WWOX: variants seen among roughly 807,000 people sequenced by gnomAD.
WWOX encodes the protein WW domain-containing oxidoreductase.
A neutral mutation model predicts 46.2 loss-of-function variants in WWOX; 69 were observed. That is an observed-to-expected ratio of 1.49 (90% confidence interval 1.23 to 1.82). The LOEUF is 1.82. WWOX is among the 40% of genes most tolerant of loss of function. The probability of loss-of-function intolerance (pLI) is 0.00; values close to 1 mark genes in which losing one functional copy is unlikely to be tolerated. For synonymous variants in WWOX, 359 were observed against 202.6 expected (o/e 1.77, Z -6.56); for missense variants, 919 against 542.6 (o/e 1.69, Z -6.89).
chr16:78,502,257 CAG>C lies in WWOX; in HGVS notation c.1056+69508_1056+69509del, dbSNP rs1367155052. Among the ~76,000 whole-genome samples the C allele has an allele frequency of 4.6e-5, 7 of 152,118 alleles. No individual in the cohort carries two copies. The East Asian group carries it at 1.3e-3, about 29-fold the overall frequency. ...ACAATTCAATGGCTTTTAGTGTATT[CAG>C]AGTTTGCATCCACCATCACAATCAG... On this transcript the variant is annotated intron_variant, in intron 8 of 8. Coordinates refer to ENST00000566780, the MANE Select transcript of WWOX (RefSeq NM_016373.4).
rs189735632 is a variant in WWOX, at chr16:78,429,654, T to C, written c.792-2834T>C. On this transcript the variant is annotated intron_variant, in intron 7 of 8. Coordinates refer to ENST00000566780, the MANE Select transcript of WWOX (RefSeq NM_016373.4). ...GGTAGAGTTTTCAAGTCATGTCCCA[T>C]ACCTTGGATCATTGGATTCTCAACT... Among the ~76,000 whole-genome samples the C allele has an allele frequency of 8.0e-3, 1,219 of 152,342 alleles. 12 individuals are homozygous for C. The highest frequency in any genetic ancestry group is 8.6e-3 in the Non-Finnish European group (587 of 68,034).
intron 2 of WWOX, among the ~76,000 whole-genome samples, chr16:78,108,761 A>G (rs2032312237): frequency 1.3e-5 from 2 of 152,138 alleles, no homozygotes; most frequent in Non-Finnish European, 2.9e-5. Flanking sequence ...GCCGAGGCGG[A>G]TGGATCACCT....
At chr16:79,011,223 A>C (rs1485054710) in intron 8 of WWOX, among the ~76,000 whole-genome samples, 1 of 151,614 alleles carries the variant, frequency 6.6e-6, no homozygotes, top group Non-Finnish European at 1.5e-5. Context: ...GCTCACCCTG[A>C]AATTCCTTAG....
chr16:78,614,579 T>A (rs1052565774), intron 8 of WWOX, among the ~76,000 whole-genome samples: 1 of 152,168 alleles, frequency 6.6e-6, no homozygotes, highest in Non-Finnish European at 1.5e-5. Context: ...ATTCTCTTAA[T>A]TTCAGGGGAA....
chr16:78,190,519 C>T (rs1411627349), intron 5 of WWOX, among the ~76,000 whole-genome samples: 1 of 152,152 alleles, frequency 6.6e-6, no homozygotes, highest in Non-Finnish European at 1.5e-5. Flanking sequence ...GAGTGTCTCC[C>T]CGACCGACCC....
At chr16:79,074,484 A>G (rs1457002152) in intron 8 of WWOX, among the ~76,000 whole-genome samples, 2 of 121,466 alleles carry the variant, frequency 1.6e-5, no homozygotes, top group African/African-American at 3.2e-5. Context: ...TGACCCATCA[A>G]TGGGCAGTGT....
At chr16:78,683,920 A>T (rs2047792975) in intron 8 of WWOX, among the ~76,000 whole-genome samples, 1 of 152,148 alleles carries the variant, frequency 6.6e-6, no homozygotes, top group Non-Finnish European at 1.5e-5. Context: ...GTAAGAGATA[A>T]TGTTGGCAAG....
At chr16:79,140,811 A>G (rs1370646540) in intron 8 of WWOX, among the ~76,000 whole-genome samples, 1 of 150,278 alleles carries the variant, frequency 6.7e-6, no homozygotes, top group African/African-American at 2.5e-5. Context: ...TATACTTCTG[A>G]GTAAGTAGGG....
At chr16:78,325,225 T>A (rs1030561811) in intron 5 of WWOX, among the ~76,000 whole-genome samples, 1 of 152,196 alleles carries the variant, frequency 6.6e-6, no homozygotes, top group Non-Finnish European at 1.5e-5. Flanking sequence ...TCAGGAGAAA[T>A]GAAAAATCAC....
At chr16:78,501,191 C>CTTTTTTTTTT (rs201759001) in intron 8 of WWOX, among the ~76,000 whole-genome samples, 72 of 107,526 alleles carry the variant, frequency 6.7e-4, no homozygotes, top group African/African-American at 2.2e-3. Context: ...CTCTTTCTTT[C>CTTTTTTTTTT]TCTTTTTTTT....
At position 78,793,163 on chromosome 16, in the gene WWOX, C is replaced by T. The variant is rs551262821; in HGVS notation, c.1056+360411C>T. 4.6e-5 allele frequency among the ~76,000 whole-genome samples: 7 copies of T among 152,292 alleles called. No individual in the cohort carries two copies. In the East Asian group the frequency reaches 1.2e-3, roughly 25 times the overall value. On this transcript the variant is annotated intron_variant, in intron 8 of 8. Coordinates refer to ENST00000566780, the MANE Select transcript of WWOX (RefSeq NM_016373.4). ...TCTCAGGTCACTGCAACTGCTGTCT[C>T]ATGGGATCAAGTGATCTTCACACCT...
intron 8 of WWOX, among the ~76,000 whole-genome samples, chr16:78,971,052 G>GGT (rs899845567): frequency 6.6e-6 from 1 of 150,804 alleles, no homozygotes; most frequent in Non-Finnish European, 1.5e-5. Context: ...TGTTTCCCAG[G>GGT]GTGTATATAT....
chr16:78,673,631 G>T (rs2047519036), intron 8 of WWOX, among the ~76,000 whole-genome samples: 1 of 152,130 alleles, frequency 6.6e-6, no homozygotes, highest in South Asian at 2.1e-4. Flanking sequence ...AAAATATTAA[G>T]ATAAAAATTA....
At chr16:78,494,059 C>G in intron 8 of WWOX, among the ~76,000 whole-genome samples, 1 of 152,074 alleles carries the variant, frequency 6.6e-6, no homozygotes, top group East Asian at 1.9e-4. Context: ...TTCTGCCTCT[C>G]GGGAGGCCTC....
intron 8 of WWOX, among the ~76,000 whole-genome samples, chr16:78,626,699 G>C (rs1331811393): frequency 1.3e-5 from 2 of 152,136 alleles, no homozygotes; most frequent in East Asian, 1.9e-4. Flanking sequence ...TGCTTGTGGA[G>C]TGGGGATTTA....
chr16:78,482,959 G>T (rs1412725951), intron 8 of WWOX, among the ~76,000 whole-genome samples: 4 of 152,102 alleles, frequency 2.6e-5, no homozygotes, highest in Admixed American at 2.6e-4. Flanking sequence ...AAGATTTTGG[G>T]GCACTGAGAT....
chr16:79,073,217 T>G (rs1193045598), intron 8 of WWOX, among the ~76,000 whole-genome samples: 2 of 151,232 alleles, frequency 1.3e-5, no homozygotes, highest in Non-Finnish European at 2.9e-5. Context: ...TACTCTCTCT[T>G]TGCCCAGGCT....
chr16:78,108,616 C>T (rs762294583), intron 2 of WWOX, 129 bp downstream of exon 2: 16 of 972,014 alleles, frequency 1.6e-5, no homozygotes, highest in Non-Finnish European at 2.4e-5. Flanking sequence ...GACTCCCACT[C>T]TGAGGAGCTT....
chr16:78,920,609 G>T (rs1463964893), intron 8 of WWOX, among the ~76,000 whole-genome samples: 1 of 152,144 alleles, frequency 6.6e-6, no homozygotes, highest in African/African-American at 2.4e-5. Context: ...ATTTTACTCA[G>T]AGTGCAAAGA....
Sources: gnomAD v4.1 joint callset for allele counts (sites outside exome capture counted in the v4.1 genomes callset) on GRCh38, gnomAD v4.1.1 for gene constraint, MANE v1.5 for transcripts, NCBI Gene and HGNC (gene_info 2026-07-23, HGNC 2026-07-21) for gene names.